The following SLAIN1 variants were observed in gnomAD, a reference collection of about 807,000 sequenced individuals.
SLAIN1 encodes SLAIN motif-containing protein 1.
A neutral mutation model predicts 55.4 loss-of-function variants in SLAIN1; 17 were observed. The ratio of observed to expected loss-of-function variants is 0.31; its 90% CI spans 0.21 to 0.46. SLAIN1 has a LOEUF of 0.46. SLAIN1 is among the 20% of genes least tolerant of loss of function. SLAIN1 has a pLI of 1.00. For synonymous variants in SLAIN1, 348 were observed against 337.4 expected (o/e 1.03, Z -0.35); for missense variants, 682 against 785.1 (o/e 0.87, Z 1.57).
intron 1 of SLAIN1, 107 bp from the exon 2 acceptor site, chr13:77,719,425 A>G (rs937397315): frequency 5.6e-6 from 4 of 713,772 alleles, no homozygotes; most frequent in Non-Finnish European, 8.6e-6. Context: ...GTCATCAAAT[A>G]TGAGTTCTGT....
chr13:77,722,644 A>G (rs1174991404), intron 2 of SLAIN1, among the ~76,000 whole-genome samples: 2 of 152,130 alleles, frequency 1.3e-5, no homozygotes, highest in African/African-American at 2.4e-5. Context: ...TTTTCTCTGC[A>G]TGTCCTTTCT....
At chr13:77,721,305 G>T (rs1011285457) in intron 2 of SLAIN1, among the ~76,000 whole-genome samples, 5 of 152,004 alleles carry the variant, frequency 3.3e-5, no homozygotes, top group Non-Finnish European at 7.4e-5. Context: ...GTTTTCTGAG[G>T]CCTCCCCAGC....
intron 3 of SLAIN1, among the ~76,000 whole-genome samples, chr13:77,745,078 A>C (rs971654257): frequency 3.9e-5 from 6 of 152,110 alleles, no homozygotes; most frequent in African/African-American, 1.4e-4. Flanking sequence ...AGTTAGGTAT[A>C]GGGCTTAGGG....
intron 2 of SLAIN1, among the ~76,000 whole-genome samples, chr13:77,739,620 A>C (rs948921303): frequency 6.6e-6 from 1 of 152,122 alleles, no homozygotes; most frequent in African/African-American, 2.4e-5. Flanking sequence ...CTATTTAACA[A>C]CAATTTGAAT....
At chr13:77,711,371 A>G (rs1455214316) in intron 1 of SLAIN1, among the ~76,000 whole-genome samples, 1 of 152,202 alleles carries the variant, frequency 6.6e-6, no homozygotes, top group Non-Finnish European at 1.5e-5. Flanking sequence ...AAATACACAC[A>G]ATAAAAAATG....
Position 77,719,606 on chromosome 13 carries a change from T to C in SLAIN1, c.701T>C (p.Val234Ala), listed in dbSNP as rs370719792. ...SLTPLQWCRHVLDNPTPEMEA... is the reference protein window; with the variant it reads ...SLTPLQWCRHALDNPTPEMEA... ...ACTCCTTTGCAGTGGTGTAGACATGTCCTAGATAACCCAACTCCTGAGATG... is the reference window on the plus strand; with the variant it reads ...ACTCCTTTGCAGTGGTGTAGACATGCCCTAGATAACCCAACTCCTGAGATG... The change falls in exon 2 of 7, where the codon GTC becomes GCC. Residue 234 changes from valine (V) to alanine (A), a missense_variant. Coordinates refer to ENST00000418532, the MANE Select transcript of SLAIN1 (RefSeq NM_001242868.2). The C allele has an allele frequency of 1.9e-5, 30 of 1,613,450 alleles. No homozygotes were observed. In the African/African-American group the frequency reaches 3.9e-4, roughly 21 times the overall value.
intron 2 of SLAIN1, chr13:77,743,184 G>C: frequency 1.5e-6 from 2 of 1,294,084 alleles, no homozygotes; most frequent in South Asian, 1.3e-5. Context: ...TTAACTTCTT[G>C]ACTAGCTGCT....
chr13:77,752,687 G>A (rs73547787), intron 4 of SLAIN1, among the ~76,000 whole-genome samples: 3,487 of 152,228 alleles, frequency 0.023, 142 homozygotes, highest in African/African-American at 0.08. Flanking sequence ...GTGGCCAAAG[G>A]CCTGAGAGAT....
Position 77,719,560 on chromosome 13 carries a change from A to G in SLAIN1, c.655A>G (p.Thr219Ala). The G allele has an allele frequency of 6.2e-7, 1 of 1,613,200 alleles. No individual in the cohort carries two copies. Among genetic ancestry groups the G allele is most frequent in the Non-Finnish European group, 8.5e-7 (1 of 1,179,446 alleles). The change falls in exon 2 of 7, where the codon ACC (threonine) becomes GCC (alanine). Residue 219 changes from threonine (T) to alanine (A), a missense_variant. This residue lies in a region of SLAIN1 where 401 missense variants were observed against 417.3 expected (regional missense o/e 0.96). Coordinates refer to ENST00000418532, the MANE Select transcript of SLAIN1 (RefSeq NM_001242868.2). ...ATACATTGGCTCTTCAAAGACGTTC[A>G]CCTCATCAGAGAAATCCCTGACTCC... is the stretch of plus-strand genomic sequence containing the variant. ...WLYIGSSKTF[T>A]SSEKSLTPLQ...
intron 2 of SLAIN1, among the ~76,000 whole-genome samples, chr13:77,726,804 G>A (rs1268457887): frequency 6.6e-6 from 1 of 152,150 alleles, no homozygotes; most frequent in African/African-American, 2.4e-5. Context: ...AATTTATAAA[G>A]TCTTGTGTAT....
At chr13:77,708,191 A>G (rs1301645588) in intron 1 of SLAIN1, among the ~76,000 whole-genome samples, 1 of 152,238 alleles carries the variant, frequency 6.6e-6, no homozygotes, top group Non-Finnish European at 1.5e-5. Flanking sequence ...CAGTGTGGAC[A>G]AATGAAATAT....
chr13:77,697,906 G>A lies in SLAIN1; in HGVS notation c.-8G>A, dbSNP rs1434844012. On this transcript the variant is annotated 5_prime_UTR_variant, in exon 1 of 7. Transcript: ENST00000418532. ...TCCCCGGCGGCCGCGGCGCCCTCGG[G>A]GCCCACGATGATGGCGGAGCAGGTG... 1 of 1,380,188 alleles carries A rather than the reference G, an allele frequency of 7.2e-7. No homozygotes were observed. Among genetic ancestry groups the A allele is most frequent in the Non-Finnish European group, 9.5e-7 (1 of 1,057,750 alleles). The allele number at this position is 1,380,188 out of a possible 1,614,324, so 85.5% of individuals were successfully genotyped here.
At position 77,697,751 on chromosome 13, in the gene SLAIN1, C is replaced by G. The variant is rs1210808052; in HGVS notation, c.-163C>G. 3.5e-6 allele frequency: 2 copies of G among 564,626 alleles called. No individual in the cohort carries two copies. Among genetic ancestry groups the G allele is most frequent in the African/African-American group, 2.0e-5 (1 of 49,796 alleles). The allele number at this position is 564,626 out of a possible 1,614,324, so 35.0% of individuals were successfully genotyped here. A position where few individuals can be genotyped will look rare whatever the true frequency, so the allele number is the denominator to read the frequency against. ...CGGTGGTGGCTGCCGCGGCCGGAGGCGAGGGCCCGGTGCTGATGCGAACCG... is the reference window on the plus strand; with the variant it reads ...CGGTGGTGGCTGCCGCGGCCGGAGGGGAGGGCCCGGTGCTGATGCGAACCG... On this transcript the variant is annotated 5_prime_UTR_variant, in exon 1 of 7. Coordinates refer to ENST00000418532, the MANE Select transcript of SLAIN1 (RefSeq NM_001242868.2).
chr13:77,763,156 C>T lies in SLAIN1; in HGVS notation c.1709C>T (p.Pro570Leu), dbSNP rs1213091014. 6.2e-7 allele frequency: 1 copy of T among 1,613,848 alleles called. No individual in the cohort carries two copies. The highest frequency in any genetic ancestry group is 8.5e-7 in the Non-Finnish European group (1 of 1,179,810). ...TTGTCTCTTTTTAGTTTTCTTCAGC[C>T]TCCAAAGCCTCTGTCTTCACTCAGC... The part of the protein sequence containing the change: ...IAQPVRSFLQ[P>L]PKPLSSLSTL... The change falls in exon 7 of 7, where the codon CCT becomes CTT. Residue 570 changes from proline (P) to leucine (L), a missense_variant. Around this residue, in one of 3 missense-constraint regions of SLAIN1, gnomAD observed 244 missense variants for 295.2 expected, o/e 0.83. Transcript: ENST00000418532.
chr13:77,760,885 C>T lies in SLAIN1; in HGVS notation c.1472C>T (p.Ser491Phe), dbSNP rs775328851. 1 of 1,614,156 alleles carries T rather than the reference C, an allele frequency of 6.2e-7. No individual in the cohort carries two copies. Among genetic ancestry groups the T allele is most frequent in the Non-Finnish European group, 8.5e-7 (1 of 1,180,012 alleles). ...CACAGCGTGGGGCATTTCCCAGTGTCTATCCGACAGCCTCTTAAAGCCACA... is the reference window on the plus strand; with the variant it reads ...CACAGCGTGGGGCATTTCCCAGTGTTTATCCGACAGCCTCTTAAAGCCACA... The part of the protein sequence containing the change: ...RVHSVGHFPV[S>F]IRQPLKATAY... Residue 491 changes from serine to phenylalanine, a missense_variant, in exon 6 of 7, where the codon TCT becomes TTT. By Grantham distance (155) the Ser-to-Phe change is radical. Transcript: ENST00000418532.
At chr13:77,738,506 T>A (rs949832846) in intron 2 of SLAIN1, among the ~76,000 whole-genome samples, 2 of 152,074 alleles carry the variant, frequency 1.3e-5, no homozygotes, top group African/African-American at 4.8e-5. Context: ...TTGCTAGGTA[T>A]TAAGCCTAGC....
At chr13:77,702,824 CAG>C (rs1285469612) in intron 1 of SLAIN1, among the ~76,000 whole-genome samples, 1 of 152,096 alleles carries the variant, frequency 6.6e-6, no homozygotes, top group African/African-American at 2.4e-5. Context: ...AATAGAAAAT[CAG>C]AGTTTATCAC....
intron 2 of SLAIN1, among the ~76,000 whole-genome samples, chr13:77,733,627 C>T (rs557138855): frequency 6.6e-6 from 1 of 152,118 alleles, no homozygotes; most frequent in African/African-American, 2.4e-5. Context: ...TTGATTGAAT[C>T]GTCCCTAAGA....
At chr13:77,752,616 G>A (rs1037639459) in intron 4 of SLAIN1, among the ~76,000 whole-genome samples, 2 of 152,148 alleles carry the variant, frequency 1.3e-5, no homozygotes, top group Non-Finnish European at 2.9e-5. Context: ...GAGGAGCAAG[G>A]AAGACAGTCG....
Sources: allele counts gnomAD v4.1 joint callset (sites outside exome capture counted in the v4.1 genomes callset), GRCh38; gene constraint gnomAD v4.1.1; regional missense constraint gnomAD v4.1.1; transcripts MANE v1.5; gene names NCBI Gene and HGNC (gene_info 2026-07-23, HGNC 2026-07-21).